Variants in STRBP observed in about 807,000 individuals in gnomAD.
STRBP encodes spermatid perinuclear RNA binding protein, also known as spermatid perinuclear RNA-binding protein.
A neutral mutation model predicts 80.1 loss-of-function variants in STRBP; 13 were observed. That is an observed-to-expected ratio of 0.16 (90% confidence interval 0.11 to 0.26). STRBP has a LOEUF of 0.26. Ranked by LOEUF, STRBP falls within the 10% of genes least tolerant of loss-of-function variation. STRBP has a pLI of 1.00. For synonymous variants in STRBP, 284 were observed against 291.2 expected (o/e 0.98, Z 0.25); for missense variants, 485 against 815.2 (o/e 0.59, Z 4.93).
At chr9:123,262,093 A>C (rs1299371072) in intron 1 of STRBP, among the ~76,000 whole-genome samples, 2 of 152,240 alleles carry the variant, frequency 1.3e-5, no homozygotes, top group Non-Finnish European at 1.5e-5. Context: ...AACCAGTTAC[A>C]AACTCCATTT....
At position 123,124,214 on chromosome 9, in the gene STRBP, G is replaced by A. The variant is rs1328454376; in HGVS notation, c.*1383C>T. ...AGTTCCCAAAAGCAGAACTGAATAG[G>A]GAAAATGAAAGCTAATTCATACTAA... is the stretch of plus-strand genomic sequence containing the variant. On this transcript the variant is annotated 3_prime_UTR_variant, in exon 19 of 19. Coordinates refer to ENST00000348403, the MANE Select transcript of STRBP (RefSeq NM_018387.5). The A allele has an allele frequency of 1.0e-6, 1 of 985,208 alleles. No individual in the cohort carries two copies. Among genetic ancestry groups the A allele is most frequent in the Non-Finnish European group, 1.2e-6 (1 of 829,926 alleles). 61.0% of individuals were successfully genotyped at this position (985,208 alleles called of 1,614,324 possible).
At chr9:123,196,552 A>G (rs902271839) in intron 2 of STRBP, among the ~76,000 whole-genome samples, 1 of 152,154 alleles carries the variant, frequency 6.6e-6, no homozygotes, top group Non-Finnish European at 1.5e-5. Flanking sequence ...AAATCTAATA[A>G]CCCAATTAAA....
At chr9:123,229,847 G>T (rs2040349857) in intron 2 of STRBP, among the ~76,000 whole-genome samples, 1 of 152,128 alleles carries the variant, frequency 6.6e-6, no homozygotes, top group South Asian at 2.1e-4. Flanking sequence ...AGGTACATAT[G>T]ATTGCCTAGG....
chr9:123,117,764 T>C (rs1217913367), downstream of STRBP, among the ~76,000 whole-genome samples: 3 of 152,232 alleles, frequency 2.0e-5, no homozygotes, highest in East Asian at 3.8e-4. Flanking sequence ...CTTAAATTGT[T>C]GAAGACATCC....
intron 1 of STRBP, among the ~76,000 whole-genome samples, chr9:123,256,940 C>T (rs1044456930): frequency 1.3e-5 from 2 of 150,534 alleles, no homozygotes; most frequent in East Asian, 3.9e-4. Flanking sequence ...GAAACAACAT[C>T]GAATGAAACA....
intron 6 of STRBP, among the ~76,000 whole-genome samples, chr9:123,167,186 G>T (rs746524806): frequency 2.0e-5 from 3 of 151,994 alleles, no homozygotes; most frequent in Non-Finnish European, 4.4e-5. Context: ...AAGATGTGAG[G>T]TGTGTATGTA....
chr9:123,157,020 A>C (rs1000265658), intron 11 of STRBP, among the ~76,000 whole-genome samples: 1 of 152,190 alleles, frequency 6.6e-6, no homozygotes, highest in Non-Finnish European at 1.5e-5. Context: ...TTTTAACCGG[A>C]CAAGAGTCAA....
intron 2 of STRBP, among the ~76,000 whole-genome samples, chr9:123,219,539 C>T (rs111731996): frequency 6.6e-6 from 1 of 152,184 alleles, no homozygotes; most frequent in South Asian, 2.1e-4. Context: ...AAATTGAAGG[C>T]CAGAATTATG....
intron 1 of STRBP, among the ~76,000 whole-genome samples, chr9:123,257,813 T>A (rs1384100406): frequency 6.6e-6 from 1 of 151,826 alleles, no homozygotes; most frequent in Admixed American, 6.6e-5. Context: ...CAAGACCCTG[T>A]CTCAAAAAAA....
chr9:123,114,860 C>T lies in STRBP; in HGVS notation c.*84+1069G>A, dbSNP rs1032287308. ...GTTGGGGGCCATCATCTTCCCGTCC[C>T]TACCCAATCCGGCAGAGGAGCCTGG... On this transcript the variant is annotated intron_variant and NMD_transcript_variant, in intron 3 of 3. Coordinates refer to the STRBP transcript ENST00000471564. 7 of 276,712 alleles carry T rather than the reference C, an allele frequency of 2.5e-5. No homozygotes were observed. In the South Asian group the frequency reaches 3.1e-4, roughly 12 times the overall value. The allele number at this position is 276,712 out of a possible 1,614,324, so 17.1% of individuals were successfully genotyped here.
At chr9:123,255,447 G>A (rs1387196571) in intron 1 of STRBP, among the ~76,000 whole-genome samples, 2 of 152,162 alleles carry the variant, frequency 1.3e-5, no homozygotes, top group Admixed American at 6.6e-5. Flanking sequence ...CTTCAAAGAC[G>A]TAAGAAAGGC....
At chr9:123,259,921 G>A (rs867144140) in intron 1 of STRBP, among the ~76,000 whole-genome samples, 14 of 152,316 alleles carry the variant, frequency 9.2e-5, no homozygotes, top group Middle Eastern at 3.4e-3. Flanking sequence ...GGTCAAATAA[G>A]AAATAAACTT....
intron 2 of STRBP, among the ~76,000 whole-genome samples, chr9:123,231,881 CA>C (rs2132580958): frequency 6.6e-6 from 1 of 152,310 alleles, no homozygotes; most frequent in Admixed American, 6.5e-5. Flanking sequence ...TACCCCACTT[CA>C]AAACTTATAC....
At chr9:123,160,070 C>T (rs970796072) in intron 8 of STRBP, among the ~76,000 whole-genome samples, 6 of 152,114 alleles carry the variant, frequency 3.9e-5, no homozygotes, top group Non-Finnish European at 8.8e-5. Context: ...AGTGATTAAC[C>T]ACCAGTGCAA....
chr9:123,157,642 GA>G (rs752373036), intron 11 of STRBP, among the ~76,000 whole-genome samples: 1 of 152,148 alleles, frequency 6.6e-6, no homozygotes. Context: ...AATCATGGCA[GA>G]AGGGGAAGCA....
intron 1 of STRBP, among the ~76,000 whole-genome samples, chr9:123,256,937 C>T (rs2041045756): frequency 6.8e-6 from 1 of 147,298 alleles, no homozygotes; most frequent in South Asian, 2.1e-4. Context: ...AATGAAACAA[C>T]ATCGAATGAA....
chr9:123,184,948 A>C (rs1390054006), intron 2 of STRBP, among the ~76,000 whole-genome samples: 1 of 152,196 alleles, frequency 6.6e-6, no homozygotes, highest in Non-Finnish European at 1.5e-5. Flanking sequence ...AGATTTCCAC[A>C]GTATTATTTC....
intron 4 of STRBP, among the ~76,000 whole-genome samples, chr9:123,176,704 C>G (rs1042724996): frequency 6.6e-6 from 1 of 151,998 alleles, no homozygotes; most frequent in Non-Finnish European, 1.5e-5. Flanking sequence ...TCTTATCAGC[C>G]CACAGGTAGA....
chr9:123,225,938 C>A (rs949336799), intron 2 of STRBP, among the ~76,000 whole-genome samples: 1 of 152,162 alleles, frequency 6.6e-6, no homozygotes, highest in South Asian at 2.1e-4. Flanking sequence ...TACAATCCAG[C>A]GCTCCCACAC....
Sources: allele counts gnomAD v4.1 joint callset (sites outside exome capture counted in the v4.1 genomes callset), GRCh38; gene constraint gnomAD v4.1.1; transcripts MANE v1.5; gene names NCBI Gene and HGNC (gene_info 2026-07-23, HGNC 2026-07-21).